The following LYRM4 variants were observed in gnomAD, a reference collection of about 807,000 sequenced individuals.
LYRM4 encodes LYR motif-containing protein 4.
Under a neutral mutation model 11.7 loss-of-function variants are expected in LYRM4, and 9 were observed. The ratio of observed to expected loss-of-function variants is 0.77; its 90% CI spans 0.46 to 1.34. The LOEUF (loss-of-function observed/expected upper bound fraction) is 1.34, where lower values mean the gene tolerates loss of function less well. Ranked by LOEUF, LYRM4 falls within the 40% of genes most tolerant of loss-of-function variation. The pLI is 0.00. For synonymous variants in LYRM4, 42 were observed against 40.4 expected (o/e 1.04, Z -0.15); for missense variants, 133 against 112.5 (o/e 1.18, Z -0.82).
the LYRM4 span, among the ~76,000 whole-genome samples, chr6:5,070,868 T>G: frequency 9.2e-6 from 1 of 109,022 alleles, no homozygotes; most frequent in Non-Finnish European, 1.9e-5. Flanking sequence ...GACCCTGTCT[T>G]GAAAAAAAAA....
At chr6:5,212,268 C>T (rs1306936924) in intron 2 of LYRM4, among the ~76,000 whole-genome samples, 2 of 152,228 alleles carry the variant, frequency 1.3e-5, no homozygotes, top group Non-Finnish European at 2.9e-5. Context: ...TTCTAACTAA[C>T]GCCTTGCAAA....
chr6:5,084,811 A>C, the LYRM4 span: 1 of 152,282 alleles, frequency 6.6e-6, no homozygotes, highest in Non-Finnish European at 1.5e-5. Flanking sequence ...GCAGGAGCAG[A>C]AGGGAAGGGA....
rs533777968 is a variant in LYRM4 at position 5,236,892 on chromosome 6, G to A, written c.87-20154C>T. 2.8e-3 allele frequency among the ~76,000 whole-genome samples: 425 copies of A among 152,276 alleles called. 1 individual carries two copies. Among genetic ancestry groups the A allele is most frequent in the Non-Finnish European group, 3.1e-3 (213 of 68,014 alleles). On this transcript the variant is annotated intron_variant, in intron 1 of 2. Coordinates refer to ENST00000330636, the MANE Select transcript of LYRM4 (RefSeq NM_020408.6). ...GGATCACTTGAGCCCAGGAGGTCGA[G>A]GTTGCAGTGGGCTGTGATTATGCCA...
the LYRM4 span, among the ~76,000 whole-genome samples, chr6:5,077,544 G>A: frequency 6.6e-6 from 1 of 152,096 alleles, no homozygotes. Context: ...ACATATTTGT[G>A]TTTACCATGA....
At chr6:5,242,812 G>A (rs1259955483) in intron 1 of LYRM4, among the ~76,000 whole-genome samples, 11 of 147,720 alleles carry the variant, frequency 7.4e-5, no homozygotes, top group Non-Finnish European at 1.2e-4. Context: ...TGTCGCCCAG[G>A]CCGGACTGCG....
chr6:5,096,763 G>T, the LYRM4 span, among the ~76,000 whole-genome samples: 5 of 152,224 alleles, frequency 3.3e-5, no homozygotes, highest in African/African-American at 1.2e-4. Flanking sequence ...AGTTAGTTGT[G>T]AAGTGCCAAG....
the LYRM4 span, among the ~76,000 whole-genome samples, chr6:5,076,709 G>A: frequency 6.6e-6 from 1 of 152,328 alleles, no homozygotes; most frequent in East Asian, 1.9e-4. Context: ...GCTGCTAGCA[G>A]CATTCTGAGG....
chr6:5,072,580 T>G, the LYRM4 span, among the ~76,000 whole-genome samples: 10 of 151,826 alleles, frequency 6.6e-5, no homozygotes, highest in Admixed American at 2.6e-4. Context: ...ATCAAAGTTT[T>G]TTTTTTTTTT....
At chr6:5,219,423 G>T (rs1377648664) in intron 1 of LYRM4, among the ~76,000 whole-genome samples, 1 of 152,174 alleles carries the variant, frequency 6.6e-6, no homozygotes, top group Admixed American at 6.5e-5. Flanking sequence ...ATGCACTTTC[G>T]AGATGAATGC....
intron 2 of LYRM4, among the ~76,000 whole-genome samples, chr6:5,202,711 C>A (rs776066223): frequency 2.6e-5 from 4 of 152,178 alleles, no homozygotes; most frequent in Non-Finnish European, 4.4e-5. Flanking sequence ...CAACTGCCTC[C>A]AAAGACAGGG....
intron 2 of LYRM4, among the ~76,000 whole-genome samples, chr6:5,115,102 C>A (rs1346075364): frequency 6.6e-6 from 1 of 152,178 alleles, no homozygotes; most frequent in Non-Finnish European, 1.5e-5. Flanking sequence ...ATATCACAAT[C>A]TATTTAATCA....
At chr6:5,098,646 G>A (rs1336962798), downstream of LYRM4, among the ~76,000 whole-genome samples, 1 of 152,198 alleles carries the variant, frequency 6.6e-6, no homozygotes, top group Non-Finnish European at 1.5e-5. Flanking sequence ...AACAATGCAT[G>A]CTGCAACAGC....
intron 1 of LYRM4, among the ~76,000 whole-genome samples, chr6:5,237,302 T>C (rs1311878788): frequency 1.3e-5 from 2 of 151,914 alleles, no homozygotes; most frequent in East Asian, 1.9e-4. Context: ...ACAAACCCTA[T>C]TGTGAACTGC....
chr6:5,117,561 T>A (rs1477876403), intron 2 of LYRM4, among the ~76,000 whole-genome samples: 7 of 150,444 alleles, frequency 4.7e-5, no homozygotes, highest in Non-Finnish European at 7.4e-5. Context: ...AAAAAAAAAA[T>A]TGTTCTCCTG....
the LYRM4 span, among the ~76,000 whole-genome samples, chr6:5,083,858 T>C: frequency 6.6e-6 from 1 of 152,186 alleles, no homozygotes; most frequent in African/African-American, 2.4e-5. Context: ...AATCCCCAAC[T>C]TTCTATATAA....
the LYRM4 span, among the ~76,000 whole-genome samples, chr6:5,052,687 A>C: frequency 2.0e-5 from 3 of 152,226 alleles, no homozygotes; most frequent in Non-Finnish European, 2.9e-5. Context: ...GCGAATGTAC[A>C]TAATGCCACT....
intron 2 of LYRM4, among the ~76,000 whole-genome samples, chr6:5,207,049 T>C (rs1023806589): frequency 3.9e-5 from 6 of 152,096 alleles, no homozygotes; most frequent in African/African-American, 1.4e-4. Flanking sequence ...TTAGACAGAG[T>C]CAATACCACG....
the LYRM4 span, among the ~76,000 whole-genome samples, chr6:5,097,694 A>G: frequency 6.6e-6 from 1 of 152,212 alleles, no homozygotes; most frequent in Non-Finnish European, 1.5e-5. Context: ...ATGATGGCAG[A>G]GCCTGCACGA....
At chr6:5,121,538 C>T (rs1017777162) in intron 2 of LYRM4, among the ~76,000 whole-genome samples, 4 of 152,204 alleles carry the variant, frequency 2.6e-5, no homozygotes, top group African/African-American at 7.2e-5. Context: ...CAGCATTGCA[C>T]AACAGAGGAT....
Sources: gnomAD v4.1 joint callset for allele counts (sites outside exome capture counted in the v4.1 genomes callset) on GRCh38, gnomAD v4.1.1 for gene constraint, MANE v1.5 for transcripts, NCBI Gene and HGNC (gene_info 2026-07-23, HGNC 2026-07-21) for gene names.